KLC3: variants seen among roughly 807,000 people sequenced by gnomAD.
KLC3 encodes kinesin light chain 2.
KLC3 carries 72 observed loss-of-function variants against 62.9 expected under a neutral mutation model. The observed-to-expected ratio is 1.15, with a 90% CI of 0.95 to 1.39. The LOEUF (loss-of-function observed/expected upper bound fraction) is 1.39. Ranked by LOEUF, KLC3 falls within the 40% of genes most tolerant of loss-of-function variation. KLC3 has a pLI of 0.00. For missense variants in KLC3, 848 were observed against 691.6 expected, an observed-to-expected ratio of 1.23 and a Z score of -2.54; for synonymous variants, 377 against 300.5, an observed-to-expected ratio of 1.25 and a Z score of -2.63.
At position 45,350,656 on chromosome 19, in the gene KLC3, A is replaced by C; in HGVS notation, c.1288A>C (p.Ser430Arg). The change falls in exon 11 of 13, where the codon AGC becomes CGC. Residue 430 changes from serine to arginine, a missense_variant. Physicochemically the swap from Ser to Arg is moderately radical, Grantham distance 110. Transcript: ENST00000391946. ...CCCTCCCCAGGCCCTTCGCCGCAGC[A>C]GCTCACTCTCCAAGATCCGTGAGTC... ...GDAEQALRRS[S>R]SLSKIRESIR... The C allele has an allele frequency of 6.2e-7, 1 of 1,613,706 alleles. No homozygotes were observed. Among genetic ancestry groups the C allele is most frequent in the Non-Finnish European group, 8.5e-7 (1 of 1,179,780 alleles).
At position 45,346,727 on chromosome 19, in the gene KLC3, G is replaced by C. The variant is rs1283840412; in HGVS notation, c.442G>C (p.Glu148Gln). The change falls in exon 3 of 13, where the codon GAG becomes CAG. Residue 148 changes from glutamate (E) to glutamine (Q), a missense_variant. Glu to Gln is a conservative substitution (Grantham distance 29). Transcript: ENST00000391946. Reference protein sequence around the residue: ...AQLEEEKRHLEFLGQLRQYDP... With the variant: ...AQLEEEKRHLQFLGQLRQYDP... ...GCTGGAGGAGGAGAAGCGCCACCTG[G>C]AGTTCCTGGGGCAGCTGCGACAGTA... 2 of 1,588,024 alleles carry C rather than the reference G, an allele frequency of 1.3e-6. No homozygotes were observed. Among genetic ancestry groups the C allele is most frequent in the Non-Finnish European group, 1.7e-6 (2 of 1,168,094 alleles).
Position 45,348,743 on chromosome 19 carries a change from G to T in KLC3, c.867+10G>T. 1 of 1,576,656 alleles carries T rather than the reference G, an allele frequency of 6.3e-7. No individual in the cohort carries two copies. The highest frequency in any genetic ancestry group is 1.3e-5 in the African/African-American group (1 of 74,116). ...CCCTGAGCACCCCGCGGTGAGTGGG[G>T]CCCCAGGGAGACGAAGTGGGGTCAA... On this transcript the variant is annotated intron_variant, in intron 6 of 12. Transcript: ENST00000391946.
chr19:45,344,120 C>T (rs927050575), intron 1 of KLC3, among the ~76,000 whole-genome samples: 1 of 151,340 alleles, frequency 6.6e-6, no homozygotes, highest in African/African-American at 2.4e-5. Flanking sequence ...GTGTGAGCCA[C>T]CGCACCCGGC....
Position 45,351,389 on chromosome 19 carries a change from TGGGAACAGTGCAGGA to T in KLC3, c.*37_*51del. The T allele has an allele frequency of 6.2e-7, 1 of 1,606,608 alleles. No homozygotes were observed. The highest frequency in any genetic ancestry group is 8.5e-7 in the Non-Finnish European group (1 of 1,179,844). On this transcript the variant is annotated 3_prime_UTR_variant, in exon 13 of 13. Transcript: ENST00000391946. Reference sequence around the variant, plus strand: ...GTGAACTGCGCTGGCCGCAGCTTCTTGGGAACAGTGCAGGAGGGATGGGCTGGTGGGGTGAGAGGG... The same window carrying T: ...GTGAACTGCGCTGGCCGCAGCTTCTTGGGATGGGCTGGTGGGGTGAGAGGG...
chr19:45,349,292 G>A, intron 7 of KLC3, 137 bp from the exon 8 acceptor site: 3 of 851,276 alleles, frequency 3.5e-6, no homozygotes, highest in Admixed American at 2.8e-5. Flanking sequence ...TATAACTTGT[G>A]TCCCCAGCCC....
In KLC3 at chr19:45,350,747, G is replaced by C. The variant is rs776705760; in HGVS notation, c.1379G>C (p.Gly460Ala). Residue 460 changes from glycine (G) to alanine (A), a missense_variant and splice_region_variant, in exon 11 of 13, where the codon GGA becomes GCA. Transcript: ENST00000391946. ...LRGEAAAGAA[G>A]MKRAMSLNTL... ...GGCGAGGCGGCGGCAGGAGCAGCCG[G>C]GTGAGTGTTGATCAGGTCGGCAAAG... The C allele has an allele frequency of 1.9e-6, 3 of 1,608,950 alleles. No homozygotes were observed. The highest frequency in any genetic ancestry group is 1.7e-5 in the Admixed American group (1 of 59,060).
chr19:45,346,949 C>G (rs984463808), intron 3 of KLC3, 175 bp downstream of exon 3: 28 of 606,020 alleles, frequency 4.6e-5, no homozygotes, highest in Non-Finnish European at 7.6e-5. Context: ...CCAGACCCAC[C>G]AGAACTTCCA....
Position 45,350,521 on chromosome 19 carries a change from CA to C in KLC3, c.1244del (p.Asn415ThrfsTer47), listed in dbSNP as rs750327046. ...EDLPAPLGAP[N>X]TGTAGDAEQA... ...CCCCATCTTTCCCCCTAGGTGCCCC[CA>C]ACACAGGCACAGCTGGTGACGCAGA... On this transcript the variant is annotated frameshift_variant, in exon 10 of 13. Transcript: ENST00000391946. LOFTEE classifies it high-confidence loss of function. 8.7e-6 allele frequency: 14 copies of C among 1,613,880 alleles called. No individual in the cohort carries two copies. The highest frequency in any genetic ancestry group is 3.4e-6 in the Non-Finnish European group (4 of 1,179,980).
intron 1 of KLC3, 160 bp from the exon 2 acceptor site, chr19:45,345,351 ATGGGTGTGGAGACTGGGATGGAG>A (rs903300491): frequency 2.9e-5 from 21 of 722,356 alleles, no homozygotes; most frequent in Admixed American, 5.2e-5. Flanking sequence ...GCTGGCTGGG[ATGGGTGTGGAGACTGGGATGGAG>A]AGGGTGTGGA....
At chr19:45,341,576 T>TGC (rs1188553164) in intron 1 of KLC3, among the ~76,000 whole-genome samples, 2,342 of 129,990 alleles carry the variant, frequency 0.018, 66 homozygotes, top group African/African-American at 0.056. Context: ...TGTGTGTGTG[T>TGC]GTGCGCGCGC....
Position 45,351,402 on chromosome 19 carries a change from G to A in KLC3, c.*45G>A. 1.2e-6 allele frequency: 2 copies of A among 1,602,242 alleles called. No homozygotes were observed. Among genetic ancestry groups the A allele is most frequent in the Admixed American group, 1.7e-5 (1 of 59,868 alleles). ...GCCGCAGCTTCTTGGGAACAGTGCA[G>A]GAGGGATGGGCTGGTGGGGTGAGAG... On this transcript the variant is annotated 3_prime_UTR_variant, in exon 13 of 13. Coordinates refer to ENST00000391946, the MANE Select transcript of KLC3 (RefSeq NM_177417.3).
intron 3 of KLC3, 21 bp downstream of exon 3, chr19:45,346,795 C>T (rs375385003): frequency 1.4e-5 from 22 of 1,551,748 alleles, no homozygotes; most frequent in African/African-American, 4.1e-5. Flanking sequence ...CAGGGCGAGG[C>T]GGGGGGTGCT....
chr19:45,348,526 G>T, intron 5 of KLC3, 120 bp from the exon 6 acceptor site: 1 of 932,376 alleles, frequency 1.1e-6, no homozygotes, highest in Non-Finnish European at 1.7e-6. Flanking sequence ...CTCAAAGGGT[G>T]TGCCACCCAT....
rs1460876382 is a variant in KLC3 at position 45,351,500 on chromosome 19, G to A, written c.*143G>A. On this transcript the variant is annotated 3_prime_UTR_variant, in exon 13 of 13. Transcript: ENST00000391946. ...ATAGCTGCCTTCTCCTGCGATTAAA[G>A]GCTGTGGACGTGACAGTGAGAAATG... is the stretch of plus-strand genomic sequence containing the variant. 1.9e-6 allele frequency: 3 copies of A among 1,594,490 alleles called. No individual in the cohort carries two copies. The highest frequency in any genetic ancestry group is 2.7e-5 in the African/African-American group (2 of 74,664).
At position 45,348,590 on chromosome 19, in the gene KLC3, C is replaced by T. The variant is rs1010264380; in HGVS notation, c.780-56C>T. 9 of 1,517,334 alleles carry T rather than the reference C, an allele frequency of 5.9e-6. No individual in the cohort carries two copies. In the African/African-American group the frequency reaches 1.1e-4, roughly 19 times the overall value. 94.0% of individuals were successfully genotyped at this position (1,517,334 alleles called of 1,614,324 possible). On this transcript the variant is annotated intron_variant, in intron 5 of 12. Transcript: ENST00000391946. The stretch of plus-strand genomic sequence containing the variant: ...GTCAGGATTGGCCCAGCCCCTGTGG[C>T]TGCAGCTGCCCCAACCCTTGGCTAA...
Position 45,348,028 on chromosome 19 carries a change from A to C in KLC3, c.647A>C (p.Gln216Pro). 1 of 1,607,962 alleles carries C rather than the reference A, an allele frequency of 6.2e-7. No individual in the cohort carries two copies. The highest frequency in any genetic ancestry group is 1.1e-5 in the South Asian group (1 of 89,780). Reference sequence around the variant, plus strand: ...CGGACCCTGCATAACCTCGTGATCCAGTACGCGGGGCAGGGCCGCTATGAG... The same window carrying C: ...CGGACCCTGCATAACCTCGTGATCCCGTACGCGGGGCAGGGCCGCTATGAG... ...RLRTLHNLVI[Q>P]YAGQGRYEVA... The change falls in exon 5 of 13, where the codon CAG becomes CCG. Residue 216 changes from glutamine to proline, a missense_variant. Transcript: ENST00000391946.
chr19:45,351,333 CACCCAGG>C lies in KLC3; in HGVS notation c.1495_1501del (p.Gln499Ter), dbSNP rs1971763238. 6.2e-7 allele frequency: 1 copy of C among 1,611,888 alleles called. No homozygotes were observed. Among genetic ancestry groups the C allele is most frequent in the African/African-American group, 1.3e-5 (1 of 74,896 alleles). On this transcript the variant is annotated frameshift_variant, in exon 13 of 13. Transcript: ENST00000391946. LOFTEE classifies it high-confidence loss of function. ...AGGCCCCTCGGACCCTCAGCGCCAGCACCCAGGACCTGAGCCCCCACTAACGTCCAGT... is the reference window on the plus strand; with the variant it reads ...AGGCCCCTCGGACCCTCAGCGCCAGCACCTGAGCCCCCACTAACGTCCAGT...
rs146100073 is a variant in KLC3, at chr19:45,350,379, G to C, written c.1182G>C (p.Ala394=). ...AYLKQNKYQQ[A]EELYKEILHK... ...TGAAACAGAACAAGTATCAACAAGCGGAAGAGCTGTACAAAGAAATCCTCC... is the reference window on the plus strand; with the variant it reads ...TGAAACAGAACAAGTATCAACAAGCCGAAGAGCTGTACAAAGAAATCCTCC... Residue 394 remains alanine (A), a synonymous_variant, in exon 9 of 13, where the codon GCG becomes GCC. Transcript: ENST00000391946. 2 of 1,613,670 alleles carry C rather than the reference G, an allele frequency of 1.2e-6. No homozygotes were observed. The highest frequency in any genetic ancestry group is 1.7e-6 in the Non-Finnish European group (2 of 1,179,914).
At chr19:45,347,868 C>A in intron 4 of KLC3, 73 bp from the exon 5 acceptor site, 1 of 1,262,626 alleles carries the variant, frequency 7.9e-7, no homozygotes, top group Non-Finnish European at 1.1e-6. Flanking sequence ...AGTTCTGAGG[C>A]ACGTGTCCCC....
Sources: gnomAD v4.1 joint callset for allele counts (sites outside exome capture counted in the v4.1 genomes callset) on GRCh38, gnomAD v4.1.1 for gene constraint, MANE v1.5 for transcripts, NCBI Gene and HGNC (gene_info 2026-07-23, HGNC 2026-07-21) for gene names.